Variants in PPARD observed in about 807,000 individuals in gnomAD.
PPARD encodes peroxisome proliferator activated receptor delta.
Under a neutral mutation model 39.5 loss-of-function variants are expected in PPARD, and 6 were observed. That is an observed-to-expected ratio of 0.15 (90% CI 0.08 to 0.30). The LOEUF is 0.30. Among genes scored for constraint, PPARD ranks in the 10% least tolerant of loss-of-function variants. PPARD has a pLI of 1.00. For synonymous variants in PPARD, 210 were observed against 231.3 expected, an observed-to-expected ratio of 0.91 and a Z score of 0.83; for missense variants, 397 against 596.8, an observed-to-expected ratio of 0.67 and a Z score of 3.49.
intron 2 of PPARD, among the ~76,000 whole-genome samples, chr6:35,370,248 T>C (rs1241454829): frequency 6.6e-6 from 1 of 152,182 alleles, no homozygotes; most frequent in African/African-American, 2.4e-5. Context: ...GAGCTCTAGC[T>C]GCCCGGGTCC....
chr6:35,367,814 G>A (rs571317914), intron 2 of PPARD, among the ~76,000 whole-genome samples: 12 of 152,332 alleles, frequency 7.9e-5, no homozygotes, highest in East Asian at 7.7e-4. Flanking sequence ...GAAGCCAGTC[G>A]TGTTGAGGCC....
At chr6:35,394,568 C>T (rs999278804) in intron 2 of PPARD, among the ~76,000 whole-genome samples, 6 of 151,982 alleles carry the variant, frequency 3.9e-5, no homozygotes, top group Admixed American at 1.3e-4. Flanking sequence ...GTCAGGAGTT[C>T]GAGACCAGCC....
At position 35,425,834 on chromosome 6, in the gene PPARD, C is replaced by G; in HGVS notation, c.1081C>G (p.Arg361Gly). ...FIAAIILCGD[R>G]PGLMNVPRVE... ...TGGCGTGCCCTGTGTCCCCACAGAC[C>G]GGCCAGGCCTCATGAACGTTCCACG... Residue 361 changes from arginine (R) to glycine (G), a missense_variant and splice_region_variant, in exon 8 of 8, where the codon CGG (arginine) becomes GGG (glycine). Physicochemically the swap from Arg to Gly is moderately radical, Grantham distance 125. Coordinates refer to ENST00000360694, the MANE Select transcript of PPARD (RefSeq NM_006238.5). This position sits in a 1 kb window ranked among gnomAD's most constrained non-coding sequence, Gnocchi z 4.5. 6.2e-7 allele frequency: 1 copy of G among 1,613,796 alleles called. No individual in the cohort carries two copies. Among genetic ancestry groups the G allele is most frequent in the Non-Finnish European group, 8.5e-7 (1 of 1,179,928 alleles).
intron 2 of PPARD, among the ~76,000 whole-genome samples, chr6:35,351,775 T>C (rs1183147190): frequency 6.6e-6 from 1 of 151,952 alleles, no homozygotes; most frequent in Non-Finnish European, 1.5e-5. Flanking sequence ...TCGACCAGGC[T>C]GGTCTTGAAT....
At chr6:35,373,673 CT>C (rs11321563) in intron 2 of PPARD, among the ~76,000 whole-genome samples, 32,628 of 145,288 alleles carry the variant, frequency 0.22, 7,897 homozygotes, top group African/African-American at 0.62. Context: ...TTCTTTCTTT[CT>C]TTTTTTTTTT....
chr6:35,426,403 C>T lies in PPARD; in HGVS notation c.*324C>T, dbSNP rs201935646. The T allele has an allele frequency of 5.0e-5, 20 of 403,852 alleles. No individual in the cohort carries two copies. The highest frequency in any genetic ancestry group is 4.2e-4 in the South Asian group (15 of 35,602). The allele number at this position is 403,852 out of a possible 1,614,324, so 25.0% of individuals were successfully genotyped here. On this transcript the variant is annotated 3_prime_UTR_variant, in exon 8 of 8. Transcript: ENST00000360694. Reference sequence around the variant, plus strand: ...CCTCCCTTTCTCTCTCCACCCCCCACGTCTGTCCTCCTTTCTTATTCTGTG... The same window carrying T: ...CCTCCCTTTCTCTCTCCACCCCCCATGTCTGTCCTCCTTTCTTATTCTGTG...
At chr6:35,365,130 C>CCTTTTTT (rs1281072287) in intron 2 of PPARD, among the ~76,000 whole-genome samples, 4 of 121,088 alleles carry the variant, frequency 3.3e-5, no homozygotes, top group African/African-American at 1.4e-4. Flanking sequence ...CTTCCTTATT[C>CCTTTTTT]TTTTTTTTTT....
chr6:35,403,523 G>A (rs9658121), intron 2 of PPARD, among the ~76,000 whole-genome samples: 2,312 of 151,908 alleles, frequency 0.015, 30 homozygotes, highest in Middle Eastern at 0.024. Context: ...AGAATAGTGT[G>A]GCTAAGGCTC....
chr6:35,369,512 A>G (rs1296607174), intron 2 of PPARD, among the ~76,000 whole-genome samples: 2 of 152,122 alleles, frequency 1.3e-5, no homozygotes, highest in African/African-American at 4.8e-5. Context: ...TGCTTTCTCT[A>G]CGTACAGATT....
At chr6:35,393,150 G>A (rs552767942) in intron 2 of PPARD, among the ~76,000 whole-genome samples, 13 of 152,194 alleles carry the variant, frequency 8.5e-5, no homozygotes, top group Non-Finnish European at 1.5e-4. Context: ...GCCCTGTGGG[G>A]AGCTCTGGGG....
chr6:35,372,368 G>A (rs1036064590), intron 2 of PPARD, among the ~76,000 whole-genome samples: 15 of 152,054 alleles, frequency 9.9e-5, no homozygotes, highest in African/African-American at 3.4e-4. Flanking sequence ...TAGTAGAGAC[G>A]GGGTTTCACC....
chr6:35,415,803 T>TGTGTGTGTGTGTGTGTGTGTGTGTGTG, intron 3 of PPARD, among the ~76,000 whole-genome samples: 23 of 151,396 alleles, frequency 1.5e-4, no homozygotes, highest in African/African-American at 4.2e-4. Context: ...TGTGTGTGTG[T>TGTGTGTGTGTGTGTGTGTGTGTGTGTG]TGAAAGAAAG....
Position 35,401,781 on chromosome 6 carries a change from G to C in PPARD, c.-101-9206G>C, listed in dbSNP as rs1764707844. On this transcript the variant is annotated intron_variant, in intron 2 of 7. Coordinates refer to ENST00000360694, the MANE Select transcript of PPARD (RefSeq NM_006238.5). This position sits in a 1 kb window ranked among gnomAD's most constrained non-coding sequence, Gnocchi z 4.1. The stretch of plus-strand genomic sequence containing the variant: ...TGGCTAATGTAGCCTGGCACATGGT[G>C]GTAGGTACTTGACAAATATTTGTTG... Among the ~76,000 whole-genome samples the C allele has an allele frequency of 6.6e-6, 1 of 152,190 alleles. No homozygotes were observed. The highest frequency in any genetic ancestry group is 6.5e-5 in the Admixed American group (1 of 15,278).
chr6:35,386,378 C>A (rs1763662934), intron 2 of PPARD, among the ~76,000 whole-genome samples: 1 of 144,562 alleles, frequency 6.9e-6, no homozygotes, highest in African/African-American at 2.6e-5. Context: ...GTAGTCCCAG[C>A]TACTTGGGAG....
chr6:35,399,879 G>C (rs148449249), intron 2 of PPARD, among the ~76,000 whole-genome samples: 79 of 152,228 alleles, frequency 5.2e-4, no homozygotes, highest in African/African-American at 1.9e-3. Context: ...TCAGTTGTCT[G>C]GGTGTGCCCT....
chr6:35,365,424 GCCA>G (rs1233589124), intron 2 of PPARD, among the ~76,000 whole-genome samples: 1 of 150,666 alleles, frequency 6.6e-6, no homozygotes, highest in Non-Finnish European at 1.5e-5. Context: ...ACAGGTGTGA[GCCA>G]CCACGCCCAG....
chr6:35,348,230 C>CA, intron 2 of PPARD: 1 of 574,418 alleles, frequency 1.7e-6, no homozygotes, highest in South Asian at 7.6e-5. Flanking sequence ...TTTTAAGTGC[C>CA]AACTATGTGC....
intron 2 of PPARD, among the ~76,000 whole-genome samples, chr6:35,385,971 C>CA (rs1763627786): frequency 6.6e-6 from 1 of 152,044 alleles, no homozygotes; most frequent in Non-Finnish European, 1.5e-5. Flanking sequence ...GAACAAGCAG[C>CA]AGAGTGCAAA....
chr6:35,400,427 A>G (rs1270342844), intron 2 of PPARD, among the ~76,000 whole-genome samples: 1 of 152,230 alleles, frequency 6.6e-6, no homozygotes, highest in Non-Finnish European at 1.5e-5. Flanking sequence ...AAAGCACTTC[A>G]GGAACTTAAG....
Sources: allele counts gnomAD v4.1 joint callset (sites outside exome capture counted in the v4.1 genomes callset), GRCh38; gene constraint gnomAD v4.1.1; non-coding constraint Gnocchi (gnomAD v3.1); transcripts MANE v1.5; gene names NCBI Gene and HGNC (gene_info 2026-07-23, HGNC 2026-07-21).